PKD2: variants seen among roughly 807,000 people sequenced by gnomAD.
The protein encoded by PKD2 is polycystin-2.
PKD2 carries 48 observed loss-of-function variants against 105.9 expected under a neutral mutation model. The ratio of observed to expected loss-of-function variants is 0.45; its 90% confidence interval spans 0.36 to 0.58. The LOEUF is 0.58. Among genes scored for constraint, PKD2 ranks in the 20% least tolerant of loss-of-function variants. The pLI is 0.00. For synonymous variants in PKD2, 464 were observed against 481.1 expected (o/e 0.96, Z 0.46); for missense variants, 1,078 against 1,255.3 (o/e 0.86, Z 2.13).
intron 2 of PKD2, among the ~76,000 whole-genome samples, chr4:88,028,006 A>C (rs1380944635): frequency 6.6e-6 from 1 of 152,224 alleles, no homozygotes; most frequent in East Asian, 1.9e-4. Flanking sequence ...ATGAAAATGG[A>C]CTACTACAGA....
chr4:88,051,251 C>A (rs546537007), intron 6 of PKD2, among the ~76,000 whole-genome samples: 27 of 152,228 alleles, frequency 1.8e-4, no homozygotes, highest in Non-Finnish European at 3.5e-4. Flanking sequence ...CTTGAGCCCT[C>A]TGTATTCATC....
chr4:88,008,381 C>T lies in PKD2; in HGVS notation c.595+53C>T. On this transcript the variant is annotated intron_variant, in intron 1 of 14. Transcript: ENST00000237596. ...ATGCACGAACCAGAACGGCCGGCGC[C>T]GGCCGGGGCCATCGCCCGCTGCGGC... The T allele has an allele frequency of 3.4e-6, 5 of 1,474,498 alleles. No individual in the cohort carries two copies. In the South Asian group the frequency reaches 5.1e-5, roughly 15 times the overall value. 91.3% of individuals were successfully genotyped at this position (1,474,498 alleles called of 1,614,324 possible). A position where few individuals can be genotyped will look rare whatever the true frequency, so the allele number is the denominator to read the frequency against.
chr4:88,075,697 T>A lies in PKD2; in HGVS notation c.*3T>A, dbSNP rs756546367. 1.3e-6 allele frequency: 2 copies of A among 1,594,174 alleles called. No homozygotes were observed. The highest frequency in any genetic ancestry group is 1.7e-4 in the Middle Eastern group (1 of 6,016). ...GGAGTTCTAATGTCCACGTATGATA[T>A]GTGTGTTTCAGTATGTGTGTTTCTA... On this transcript the variant is annotated 3_prime_UTR_variant, in exon 15 of 15. Coordinates refer to ENST00000237596, the MANE Select transcript of PKD2 (RefSeq NM_000297.4).
Position 88,007,754 on chromosome 4 carries a change from G to A in PKD2, c.21G>A (p.Val7=). 2.5e-6 allele frequency: 3 copies of A among 1,198,108 alleles called. No homozygotes were observed. The highest frequency in any genetic ancestry group is 3.1e-6 in the Non-Finnish European group (3 of 955,242). The allele number at this position is 1,198,108 out of a possible 1,614,324, so 74.2% of individuals were successfully genotyped here. MVNSSR[V]QPQQPGDAKR... ...CCGCGATGGTGAACTCCAGTCGCGT[G>A]CAGCCTCAGCAGCCCGGGGACGCCA... The change falls in exon 1 of 15, where the codon GTG becomes GTA. Residue 7 remains valine (V), a synonymous_variant. Coordinates refer to ENST00000237596, the MANE Select transcript of PKD2 (RefSeq NM_000297.4).
At position 88,046,787 on chromosome 4, in the gene PKD2, G is replaced by A. The variant is rs757279620; in HGVS notation, c.1465G>A (p.Val489Met). 8.1e-6 allele frequency: 13 copies of A among 1,610,862 alleles called. No individual in the cohort carries two copies. In the Admixed American group the frequency reaches 2.0e-4, roughly 25 times the overall value. The change falls in exon 6 of 15, where the codon GTG becomes ATG. Residue 489 changes from valine (V) to methionine (M), a missense_variant. Physicochemically the swap from Val to Met is conservative, Grantham distance 21. Transcript: ENST00000237596. Reference protein sequence around the residue: ...IFCFFIFYYVVEEILEIRIHK... With the variant: ...IFCFFIFYYVMEEILEIRIHK... ...TTGTTTCTTTATCTTTTACTATGTG[G>A]TGGAAGAGATATTGGAAATTCGCAT...
intron 9 of PKD2, 149 bp from the exon 10 acceptor site, chr4:88,061,757 T>A (rs994390639): frequency 2.0e-4 from 61 of 301,188 alleles, no homozygotes; most frequent in South Asian, 3.0e-4. Context: ...AATTTTTTTT[T>A]AAATAAATAA....
rs577956232 is a variant in PKD2 at position 88,076,915 on chromosome 4, T to C, written c.*1221T>C. ...GTAATGCAAATGGAGCTCAGTCTAATAAAAAAGAGGTTTTGGTATTAAAAG... is the reference window on the plus strand; with the variant it reads ...GTAATGCAAATGGAGCTCAGTCTAACAAAAAAGAGGTTTTGGTATTAAAAG... On this transcript the variant is annotated 3_prime_UTR_variant, in exon 15 of 15. Coordinates refer to ENST00000237596, the MANE Select transcript of PKD2 (RefSeq NM_000297.4). 38 of 152,260 alleles carry C rather than the reference T, an allele frequency of 2.5e-4. No homozygotes were observed. Among genetic ancestry groups the C allele is most frequent in the Non-Finnish European group, 5.4e-4 (37 of 68,000 alleles). The allele number at this position is 152,260 out of a possible 1,614,324, so 9.4% of individuals were successfully genotyped here. A position where few individuals can be genotyped will look rare whatever the true frequency, so the allele number is the denominator to read the frequency against.
At position 88,076,612 on chromosome 4, in the gene PKD2, C is replaced by T. The variant is rs1721242751; in HGVS notation, c.*918C>T. ...TTTAGTATGCACTGAAAGTTTTTAT[C>T]CAACAATTATGTTCATTTTAAGCAA... On this transcript the variant is annotated 3_prime_UTR_variant, in exon 15 of 15. Coordinates refer to ENST00000237596, the MANE Select transcript of PKD2 (RefSeq NM_000297.4). The T allele has an allele frequency of 6.6e-6, 1 of 152,144 alleles. No individual in the cohort carries two copies. Among genetic ancestry groups the T allele is most frequent in the Middle Eastern group, 3.2e-3 (1 of 316 alleles). 9.4% of individuals were successfully genotyped at this position (152,144 alleles called of 1,614,324 possible). A position where few individuals can be genotyped will look rare whatever the true frequency, so the allele number is the denominator to read the frequency against.
rs560059693 is a variant in PKD2, at chr4:88,054,694, G to A, written c.1717-1392G>A. ...TTTTGGGACGGAGTCTTGCTCTGTC[G>A]CCCAGGCTGGAGTGCAGTGGCACAA... On this transcript the variant is annotated intron_variant, in intron 7 of 14. Coordinates refer to ENST00000237596, the MANE Select transcript of PKD2 (RefSeq NM_000297.4). Among the ~76,000 whole-genome samples, 129 of 127,096 alleles carry A rather than the reference G, an allele frequency of 1.0e-3. 3 individuals carry two copies. Among genetic ancestry groups the A allele is most frequent in the African/African-American group, 3.6e-3 (114 of 31,884 alleles). 83.4% of individuals were successfully genotyped at this position (127,096 alleles called of 152,430 possible). A position where few individuals can be genotyped will look rare whatever the true frequency, so the allele number is the denominator to read the frequency against.
chr4:88,013,121 C>A (rs1170604803), intron 1 of PKD2, among the ~76,000 whole-genome samples: 1 of 152,104 alleles, frequency 6.6e-6, no homozygotes, highest in Non-Finnish European at 1.5e-5. Context: ...TCACTTCCTC[C>A]CTTTCCTTTT....
chr4:88,072,765 C>T (rs938415249), intron 13 of PKD2, among the ~76,000 whole-genome samples: 3 of 152,146 alleles, frequency 2.0e-5, no homozygotes, highest in Non-Finnish European at 4.4e-5. Context: ...AGGCTGGGCA[C>T]AGTGGCTCAC....
chr4:88,060,436 A>G (rs1034784276), intron 9 of PKD2, among the ~76,000 whole-genome samples: 4 of 133,184 alleles, frequency 3.0e-5, no homozygotes, highest in African/African-American at 1.5e-4. Context: ...CTAAGCCACT[A>G]TATCCATATA....
intron 2 of PKD2, among the ~76,000 whole-genome samples, chr4:88,026,765 G>C (rs780331386): frequency 6.6e-6 from 1 of 152,214 alleles, no homozygotes; most frequent in Non-Finnish European, 1.5e-5. Context: ...CCCAGGCCCA[G>C]GCCCCAGCTG....
rs369353506 is a variant in PKD2, at chr4:88,075,047, G to T, written c.2670+88G>T. The stretch of plus-strand genomic sequence containing the variant: ...TGCTGACAGTTGTATTTGAAGTATT[G>T]AAGAAGAGTAAAAAAAATTTACGTT... On this transcript the variant is annotated intron_variant, in intron 14 of 14. Coordinates refer to ENST00000237596, the MANE Select transcript of PKD2 (RefSeq NM_000297.4). 1,672 of 1,424,798 alleles carry T rather than the reference G, an allele frequency of 1.2e-3. 25 individuals carry two copies. The South Asian group carries it at 0.018, about 16-fold the overall frequency. 88.3% of individuals were successfully genotyped at this position (1,424,798 alleles called of 1,614,324 possible). A position where few individuals can be genotyped will look rare whatever the true frequency, so the allele number is the denominator to read the frequency against.
intron 9 of PKD2, among the ~76,000 whole-genome samples, chr4:88,059,096 T>A (rs1720464669): frequency 6.6e-6 from 1 of 152,188 alleles, no homozygotes; most frequent in South Asian, 2.1e-4. Context: ...ATATGGTATT[T>A]ATTGATTGGG....
rs142044722 is a variant in PKD2, at chr4:88,024,710, A to G, written c.709+5139A>G. 2.5e-3 allele frequency among the ~76,000 whole-genome samples: 376 copies of G among 152,302 alleles called. 3 individuals are homozygous for G. Among genetic ancestry groups the G allele is most frequent in the African/African-American group, 8.6e-3 (359 of 41,576 alleles). The stretch of plus-strand genomic sequence containing the variant: ...ATATTTCTGTATGTCAAAGAAATAG[A>G]CAACATTAAAAAGCAGAAAGCAATT... On this transcript the variant is annotated intron_variant, in intron 2 of 14. Coordinates refer to ENST00000237596, the MANE Select transcript of PKD2 (RefSeq NM_000297.4).
At chr4:88,038,846 A>G (rs7696304) in intron 4 of PKD2, among the ~76,000 whole-genome samples, 68,200 of 152,024 alleles carry the variant, frequency 0.45, 17,389 homozygotes, top group African/African-American at 0.69. Context: ...GTTATTTAAC[A>G]CAAGTTTTCT....
At chr4:88,054,182 C>T (rs932640585) in intron 7 of PKD2, among the ~76,000 whole-genome samples, 27 of 151,684 alleles carry the variant, frequency 1.8e-4, no homozygotes, top group African/African-American at 5.6e-4. Flanking sequence ...GATCACCTGA[C>T]GTCGGGTTTG....
At chr4:88,050,127 A>G (rs1308241828) in intron 6 of PKD2, among the ~76,000 whole-genome samples, 2 of 151,948 alleles carry the variant, frequency 1.3e-5, no homozygotes, top group Non-Finnish European at 2.9e-5. Context: ...GGTGCCTGCC[A>G]CCATGCCCAG....
Sources: gnomAD v4.1 joint callset for allele counts (sites outside exome capture counted in the v4.1 genomes callset) on GRCh38, gnomAD v4.1.1 for gene constraint, MANE v1.5 for transcripts, NCBI Gene and HGNC (gene_info 2026-07-23, HGNC 2026-07-21) for gene names.